Variants in ROBO2 observed in about 807,000 individuals in gnomAD.
ROBO2 encodes roundabout homolog 2.
ROBO2 carries 53 observed loss-of-function variants against 160.8 expected under a neutral mutation model. The ratio of observed to expected loss-of-function variants is 0.33; its 90% confidence interval spans 0.26 to 0.41. ROBO2 has a LOEUF of 0.41. Ranked by LOEUF, ROBO2 falls within the 10% of genes least tolerant of loss-of-function variation. The pLI, the probability that ROBO2 is intolerant of heterozygous loss-of-function variation, is 1.00. For missense variants in ROBO2, 1,577 were observed against 1,722.4 expected (o/e 0.92, Z 1.49); for synonymous variants, 664 against 611.7 (o/e 1.09, Z -1.26).
chr3:76,315,892 C>T (rs1345357321), intron 2 of ROBO2, among the ~76,000 whole-genome samples: 1 of 152,038 alleles, frequency 6.6e-6, no homozygotes, highest in African/African-American at 2.4e-5. Flanking sequence ...TAAGTGTCGG[C>T]CGGTCTGAGA....
chr3:76,822,504 T>A (rs1207619706), intron 2 of ROBO2, among the ~76,000 whole-genome samples: 1 of 152,022 alleles, frequency 6.6e-6, no homozygotes, highest in Admixed American at 6.6e-5. Flanking sequence ...ATTAATAATA[T>A]GTAACATTTG....
intron 2 of ROBO2, among the ~76,000 whole-genome samples, chr3:77,264,257 G>C (rs1225083118): frequency 6.6e-6 from 1 of 152,150 alleles, no homozygotes; most frequent in Non-Finnish European, 1.5e-5. Context: ...CATAAATCTT[G>C]ATCTAGGTAA....
At chr3:77,330,450 G>A (rs1302158633) in intron 2 of ROBO2, among the ~76,000 whole-genome samples, 2 of 152,192 alleles carry the variant, frequency 1.3e-5, no homozygotes, top group Admixed American at 6.5e-5. Flanking sequence ...TCTGGGAGGT[G>A]GAGGTTGCTT....
chr3:76,616,763 A>T (rs201977451), intron 2 of ROBO2, among the ~76,000 whole-genome samples: 7 of 152,150 alleles, frequency 4.6e-5, no homozygotes, highest in Admixed American at 2.6e-4. Flanking sequence ...TTTGTTTAAG[A>T]GACAGGCCCT....
chr3:76,459,110 T>C (rs2106729000), intron 2 of ROBO2, among the ~76,000 whole-genome samples: 1 of 152,334 alleles, frequency 6.6e-6, no homozygotes, highest in African/African-American at 2.4e-5. Flanking sequence ...TTAAAACACT[T>C]TCCTTTTGGC....
At chr3:77,201,722 A>C (rs1255640210) in intron 2 of ROBO2, among the ~76,000 whole-genome samples, 1 of 152,100 alleles carries the variant, frequency 6.6e-6, no homozygotes, top group Non-Finnish European at 1.5e-5. Context: ...TATTCATTGT[A>C]TTTGTTGCCT....
intron 2 of ROBO2, among the ~76,000 whole-genome samples, chr3:77,254,039 A>C (rs1265839774): frequency 6.6e-6 from 1 of 152,168 alleles, no homozygotes; most frequent in Non-Finnish European, 1.5e-5. Flanking sequence ...AGGTAATGAA[A>C]ATATTTTTGT....
At chr3:76,977,001 C>T (rs1365950126) in intron 2 of ROBO2, among the ~76,000 whole-genome samples, 1 of 152,078 alleles carries the variant, frequency 6.6e-6, no homozygotes, top group Non-Finnish European at 1.5e-5. Flanking sequence ...CTTTTCTAGA[C>T]TTTGGTTTAT....
intron 2 of ROBO2, among the ~76,000 whole-genome samples, chr3:76,335,004 A>AT (rs1207572766): frequency 5.3e-5 from 8 of 151,268 alleles, no homozygotes; most frequent in African/African-American, 1.7e-4. Flanking sequence ...TTTTTCATCT[A>AT]TTTTTTTTCT....
intron 2 of ROBO2, among the ~76,000 whole-genome samples, chr3:77,214,769 G>T (rs1045304927): frequency 3.3e-5 from 5 of 152,156 alleles, no homozygotes; most frequent in African/African-American, 1.2e-4. Context: ...TTTTAGGGCA[G>T]GCCTGGTGGT....
At chr3:77,593,813 A>G (rs933056544) in intron 17 of ROBO2, among the ~76,000 whole-genome samples, 9 of 152,182 alleles carry the variant, frequency 5.9e-5, no homozygotes, top group Non-Finnish European at 4.4e-5. Context: ...ATGTGTATAT[A>G]TATTAAGTGG....
chr3:77,216,708 A>G (rs1037685862), intron 2 of ROBO2, among the ~76,000 whole-genome samples: 1 of 152,222 alleles, frequency 6.6e-6, no homozygotes, highest in African/African-American at 2.4e-5. Context: ...CTATTCGGCC[A>G]TCTTGGCTCC....
intron 2 of ROBO2, among the ~76,000 whole-genome samples, chr3:76,326,925 C>CA (rs2073082132): frequency 1.3e-5 from 2 of 151,812 alleles, no homozygotes; most frequent in Admixed American, 6.6e-5. Flanking sequence ...CAATTTCATC[C>CA]AAAAATGTGG....
intron 2 of ROBO2, among the ~76,000 whole-genome samples, chr3:76,989,430 G>A (rs2060549913): frequency 1.3e-5 from 2 of 151,948 alleles, no homozygotes; most frequent in South Asian, 4.1e-4. Flanking sequence ...GATAATAAAA[G>A]TATGTAATTT....
chr3:75,916,167 G>C (rs886795977), intron 1 of ROBO2, among the ~76,000 whole-genome samples: 2 of 152,150 alleles, frequency 1.3e-5, no homozygotes, highest in African/African-American at 4.8e-5. Context: ...AATGGTGATT[G>C]ATGCACAGAA....
At chr3:75,962,238 G>C (rs1279680645) in intron 2 of ROBO2, among the ~76,000 whole-genome samples, 1 of 151,674 alleles carries the variant, frequency 6.6e-6, no homozygotes, top group East Asian at 2.0e-4. Flanking sequence ...CTTTTCATCA[G>C]AAACAATGAT....
chr3:77,198,448 G>A (rs767710171), intron 2 of ROBO2, among the ~76,000 whole-genome samples: 86 of 152,208 alleles, frequency 5.7e-4, no homozygotes, highest in African/African-American at 1.9e-3. Context: ...AAGAAGGTCC[G>A]GTGGCTGGAG....
intron 2 of ROBO2, among the ~76,000 whole-genome samples, chr3:76,345,013 A>T (rs1024453538): frequency 6.6e-6 from 1 of 152,142 alleles, no homozygotes; most frequent in Non-Finnish European, 1.5e-5. Flanking sequence ...TTCAGTTCAG[A>T]TCTGTATAAC....
chr3:77,273,469 CA>C, intron 2 of ROBO2, among the ~76,000 whole-genome samples: 1 of 152,034 alleles, frequency 6.6e-6, no homozygotes, highest in East Asian at 1.9e-4. Context: ...GTCTTAGATA[CA>C]AAAAATGAAA....
Sources: gnomAD v4.1 joint callset for allele counts (sites outside exome capture counted in the v4.1 genomes callset) on GRCh38, gnomAD v4.1.1 for gene constraint, MANE v1.5 for transcripts, NCBI Gene and HGNC (gene_info 2026-07-23, HGNC 2026-07-21) for gene names.